NUMA1: variants seen among roughly 807,000 people sequenced by gnomAD.
NUMA1 encodes the protein nuclear mitotic apparatus protein 1.
In NUMA1, 62 loss-of-function variants were observed where a neutral mutation model predicts 237.1. The ratio of observed to expected loss-of-function variants is 0.26; its 90% confidence interval spans 0.21 to 0.32. The LOEUF is 0.32. NUMA1 is among the 10% of genes least tolerant of loss of function. The pLI is 1.00. For missense variants in NUMA1, 2,533 were observed against 2,666.5 expected (o/e 0.95, Z 1.10); for synonymous variants, 1,028 against 1,066.1 (o/e 0.96, Z 0.70).
intron 1 of NUMA1, among the ~76,000 whole-genome samples, chr11:72,079,739 AAAC>A (rs1384476293): frequency 3.0e-5 from 2 of 67,712 alleles, no homozygotes; most frequent in African/African-American, 4.8e-5. Context: ...AAACAAAAAC[AAAC>A]AAAAATTAAA....
chr11:72,021,655 T>A (rs1304268764), intron 7 of NUMA1, among the ~76,000 whole-genome samples: 2 of 152,248 alleles, frequency 1.3e-5, no homozygotes, highest in African/African-American at 4.8e-5. Context: ...TCACCCAGGC[T>A]GGAGTACAGT....
At chr11:72,008,504 C>T (rs1368275530) in intron 20 of NUMA1, 184 bp downstream of exon 20, 18 of 675,660 alleles carry the variant, frequency 2.7e-5, no homozygotes, top group Non-Finnish European at 4.5e-5. Context: ...TCCACGAAGC[C>T]TTTCTTGACC....
Position 72,018,470 on chromosome 11 carries a change from G to A in NUMA1, c.786C>T (p.Ala262=), listed in dbSNP as rs372068450. The change falls in exon 11 of 27, where the codon GCC becomes GCT. Residue 262 remains alanine (A), a synonymous_variant. Coordinates refer to ENST00000393695, the MANE Select transcript of NUMA1 (RefSeq NM_006185.4). The part of the protein sequence containing the change: ...AMMQQRIDRL[A]LLNEKQAASP... Reference sequence around the variant, plus strand: ...TGGCCGCCTGCTTCTCATTCAGCAGGGCTAGGCGGTCAATGCGCTGCTGCA... The same window carrying A: ...TGGCCGCCTGCTTCTCATTCAGCAGAGCTAGGCGGTCAATGCGCTGCTGCA... The A allele has an allele frequency of 5.6e-6, 9 of 1,614,044 alleles. No homozygotes were observed. In the African/African-American group the frequency reaches 8.0e-5, roughly 14 times the overall value.
At chr11:72,009,425 G>A (rs370633870) in intron 17 of NUMA1, 38 bp from the exon 18 acceptor site, 17 of 1,567,118 alleles carry the variant, frequency 1.1e-5, no homozygotes, top group Non-Finnish European at 1.2e-5. Flanking sequence ...TGGTCTGGCC[G>A]CTCTACCCAA....
At chr11:72,029,353 C>G in intron 3 of NUMA1, 63 bp from the exon 4 acceptor site, 1 of 1,052,186 alleles carries the variant, frequency 9.5e-7, no homozygotes, top group South Asian at 1.4e-5. Flanking sequence ...CTCCTTTTCC[C>G]AGAGGCTTAA....
At chr11:72,043,181 G>A (rs1261812226) in intron 2 of NUMA1, among the ~76,000 whole-genome samples, 1 of 151,830 alleles carries the variant, frequency 6.6e-6, no homozygotes, top group African/African-American at 2.4e-5. Flanking sequence ...CAGGATGTCA[G>A]AACAAGAGAG....
At chr11:72,012,787 A>G (rs943937386) in intron 15 of NUMA1, 108 bp downstream of exon 15, 1 of 1,454,624 alleles carries the variant, frequency 6.9e-7, no homozygotes, top group Non-Finnish European at 9.3e-7. Context: ...GAATGAGGAA[A>G]GGCAAGACAC....
intron 2 of NUMA1, among the ~76,000 whole-genome samples, chr11:72,059,268 T>C (rs1213346391): frequency 6.6e-6 from 1 of 152,098 alleles, no homozygotes; most frequent in Non-Finnish European, 1.5e-5. Flanking sequence ...AAAAACAGAT[T>C]CCTCACATTT....
chr11:72,061,267 GGGATTAGTTATGGTCTAATT>G (rs1336123239), intron 2 of NUMA1, among the ~76,000 whole-genome samples: 2 of 152,058 alleles, frequency 1.3e-5, no homozygotes, highest in African/African-American at 4.8e-5. Flanking sequence ...CTTCTCAGTG[GGGATTAGTTATGGTCTAATT>G]GGCCACAGCC....
intron 21 of NUMA1, 62 bp downstream of exon 21, chr11:72,007,127 A>G: frequency 6.3e-7 from 1 of 1,586,672 alleles, no homozygotes; most frequent in Non-Finnish European, 8.5e-7. Context: ...TGCCCAGTGC[A>G]AAGATGCCCT....
chr11:72,028,294 T>G (rs1939833959), intron 4 of NUMA1, among the ~76,000 whole-genome samples: 1 of 152,166 alleles, frequency 6.6e-6, no homozygotes, highest in South Asian at 2.1e-4. Flanking sequence ...TCTTTCCCTA[T>G]CAATGAGCTG....
rs1450169379 is a variant in NUMA1 at position 72,015,197 on chromosome 11, G to A, written c.2306C>T (p.Ala769Val). The A allele has an allele frequency of 4.3e-6, 7 of 1,613,314 alleles. No individual in the cohort carries two copies. Among genetic ancestry groups the A allele is most frequent in the Non-Finnish European group, 5.9e-6 (7 of 1,180,038 alleles). ...EERAGRKGLE[A>V]RLQQLGEAHQ... ...GGCCTCCCCAAGCTGCTGTAATCGA[G>A]CCTCCAGCCCCTTGCGCCCAGCCCT... The change falls in exon 15 of 27, where the codon GCT (alanine) becomes GTT (valine). Residue 769 changes from alanine (A) to valine (V), a missense_variant. By Grantham distance (64) the Ala-to-Val change is moderately conservative. Transcript: ENST00000393695. The surrounding 1 kb of genome is among the most constrained non-coding windows in gnomAD (Gnocchi z 4.0).
At chr11:72,053,235 C>A (rs978678720) in intron 2 of NUMA1, among the ~76,000 whole-genome samples, 4 of 152,224 alleles carry the variant, frequency 2.6e-5, no homozygotes, top group African/African-American at 9.6e-5. Flanking sequence ...AAGCTCCCAC[C>A]TTGTCCTCCC....
At chr11:72,038,082 G>A (rs1941251910) in intron 2 of NUMA1, among the ~76,000 whole-genome samples, 2 of 152,200 alleles carry the variant, frequency 1.3e-5, no homozygotes, top group African/African-American at 4.8e-5. Flanking sequence ...AAATCACAAG[G>A]AATGAGGCTG....
At chr11:72,066,424 G>A (rs573355620) in intron 2 of NUMA1, 2 of 152,122 alleles carry the variant, frequency 1.3e-5, no homozygotes, top group Admixed American at 1.3e-4. Context: ...TTAGCATAAC[G>A]CTTAAGGTTC....
Position 72,008,807 on chromosome 11 carries a change from T to C in NUMA1, c.5097A>G (p.Lys1699=), listed in dbSNP as rs375669993. ...TTAAAGCATCAGTTGCCACCTGGAA[T>C]TTGCCCAGGTCTCGAAGCTGCTGGT... ...HADQQLRDLG[K]FQVATDALKS... The change falls in exon 20 of 27, where the codon AAA becomes AAG. Residue 1699 remains lysine, a synonymous_variant. Coordinates refer to ENST00000393695, the MANE Select transcript of NUMA1 (RefSeq NM_006185.4). 8 of 1,613,936 alleles carry C rather than the reference T, an allele frequency of 5.0e-6. No individual in the cohort carries two copies. The highest frequency in any genetic ancestry group is 1.7e-5 in the Admixed American group (1 of 59,996).
At chr11:72,021,964 G>A (rs1219950371) in intron 7 of NUMA1, among the ~76,000 whole-genome samples, 6 of 151,338 alleles carry the variant, frequency 4.0e-5, no homozygotes, top group African/African-American at 1.5e-4. Context: ...GACCCTACCA[G>A]AGGAAAGGAT....
chr11:72,014,732 C>G lies in NUMA1; in HGVS notation c.2771G>C (p.Arg924Pro). ...TGTTTCCTGCTGCTCACCTGCCTTG[C>G]GCACCAAGGTCTCCAAGCGGGCCAC... is the stretch of plus-strand genomic sequence containing the variant. ...KEVARLETLV[R>P]KAGEQQETAS... The change falls in exon 15 of 27, where the codon CGC becomes CCC. Residue 924 changes from arginine to proline, a missense_variant. Arg to Pro is a moderately radical substitution (Grantham distance 103). This residue lies in a region of NUMA1 where 1,414 missense variants were observed against 1,508.1 expected (regional missense o/e 0.94). Coordinates refer to ENST00000393695, the MANE Select transcript of NUMA1 (RefSeq NM_006185.4). The surrounding 1 kb of genome is among the most constrained non-coding windows in gnomAD (Gnocchi z 4.6). The G allele has an allele frequency of 6.2e-7, 1 of 1,614,084 alleles. No individual in the cohort carries two copies. Among genetic ancestry groups the G allele is most frequent in the Non-Finnish European group, 8.5e-7 (1 of 1,180,040 alleles).
chr11:72,035,549 A>G (rs1402611725), intron 3 of NUMA1, among the ~76,000 whole-genome samples: 1 of 151,914 alleles, frequency 6.6e-6, no homozygotes, highest in East Asian at 1.9e-4. Context: ...CTGGGATTAC[A>G]GGTGCCCGCC....
Sources: allele counts gnomAD v4.1 joint callset (sites outside exome capture counted in the v4.1 genomes callset), GRCh38; gene constraint gnomAD v4.1.1; regional missense constraint gnomAD v4.1.1; non-coding constraint Gnocchi (gnomAD v3.1); transcripts MANE v1.5; gene names NCBI Gene and HGNC (gene_info 2026-07-23, HGNC 2026-07-21).